The following CEBPZOS variants were observed in gnomAD, a reference collection of about 807,000 sequenced individuals.
The protein encoded by CEBPZOS is protein CEBPZOS.
A neutral mutation model predicts 4.8 loss-of-function variants in CEBPZOS; 10 were observed. The observed-to-expected ratio is 2.07, with a 90% CI of 1.28 to 3.52. CEBPZOS has a LOEUF of 3.52. Among genes scored for constraint, CEBPZOS ranks in the 30% most tolerant of loss-of-function variants. The probability of loss-of-function intolerance (pLI) is 0.00; values close to 1 mark genes in which losing one functional copy is unlikely to be tolerated. For synonymous variants in CEBPZOS, 25 were observed against 14.2 expected (o/e 1.77, Z -1.72); for missense variants, 98 against 43.6 (o/e 2.25, Z -3.51).
chr2:37,199,598 A>G (rs1663377348), intron 1 of CEBPZOS, 106 bp from the exon 2 acceptor site: 1 of 641,834 alleles, frequency 1.6e-6, no homozygotes, highest in African/African-American at 1.8e-5. Context: ...ACTCCCATAC[A>G]GAGAAGCCAT....
At chr2:37,200,140 T>C (rs1380593709) in intron 2 of CEBPZOS, among the ~76,000 whole-genome samples, 1 of 152,224 alleles carries the variant, frequency 6.6e-6, no homozygotes, top group Admixed American at 6.5e-5. Flanking sequence ...CTGCCCATTA[T>C]ACTTCATTGT....
intron 4 of CEBPZOS, chr2:37,211,769 T>G: frequency 2.6e-6 from 3 of 1,139,664 alleles, no homozygotes; most frequent in Non-Finnish European, 3.7e-6. Context: ...TTAAAAACCT[T>G]TAGCAGAAAA....
downstream of CEBPZOS, chr2:37,215,988 G>T: frequency 1.5e-5 from 7 of 463,712 alleles, no homozygotes; most frequent in East Asian, 3.8e-5. Flanking sequence ...AGATACAGTA[G>T]ATTTAAGAAT....
intron 3 of CEBPZOS, 62 bp downstream of exon 3, chr2:37,201,154 T>C (rs1677211336): frequency 1.5e-6 from 1 of 684,238 alleles, no homozygotes; most frequent in Non-Finnish European, 2.7e-6. Context: ...CTATAAATTA[T>C]GTAGTAATTT....
chr2:37,201,230 TC>T, intron 3 of CEBPZOS, 138 bp downstream of exon 3: 2 of 610,842 alleles, frequency 3.3e-6, no homozygotes, highest in Non-Finnish European at 5.9e-6. Context: ...TAAATTCTCA[TC>T]TATTCTAGTG....
chr2:37,201,498 T>TA lies in CEBPZOS; in HGVS notation c.161-143dup. ...TACAATGATCAGAGATGCCAGGACT[T>TA]ATATGTGAAGTCTGTAATCCTACTG... On this transcript the variant is annotated intron_variant, in intron 3 of 4. Transcript: ENST00000402297. The TA allele has an allele frequency of 8.5e-6, 5 of 591,418 alleles. No individual in the cohort carries two copies. In the South Asian group the frequency reaches 1.1e-4, roughly 13 times the overall value. 36.6% of individuals were successfully genotyped at this position (591,418 alleles called of 1,614,324 possible).
intron 4 of CEBPZOS, chr2:37,212,391 G>A (rs1396489155): frequency 6.2e-7 from 1 of 1,612,364 alleles, no homozygotes; most frequent in African/African-American, 1.3e-5. Flanking sequence ...CTTCAAATGT[G>A]TCTGCCAGAC....
chr2:37,212,311 A>G, intron 4 of CEBPZOS: 1 of 1,600,074 alleles, frequency 6.2e-7, no homozygotes, highest in Non-Finnish European at 8.6e-7. Context: ...GAAAAATAGG[A>G]AGGAGAAGAT....
At chr2:37,211,852 T>G (rs1221273556) in intron 4 of CEBPZOS, 1 of 1,598,978 alleles carries the variant, frequency 6.3e-7, no homozygotes, top group Non-Finnish European at 8.5e-7. Flanking sequence ...CCTGGAACGC[T>G]CTCACTTTCA....
At chr2:37,212,219 C>T in intron 4 of CEBPZOS, 1 of 1,071,656 alleles carries the variant, frequency 9.3e-7, no homozygotes, top group South Asian at 1.4e-5. Context: ...ATCCACTTCC[C>T]AAACTTACTT....
In CEBPZOS at chr2:37,203,602, C is replaced by T. The variant is rs1331964914; in HGVS notation, c.*1742C>T. ...GAGCTTTACTAAATACAGATCATAACATTCAGCTGTTTTAAGTGTATTAAC... is the reference window on the plus strand; with the variant it reads ...GAGCTTTACTAAATACAGATCATAATATTCAGCTGTTTTAAGTGTATTAAC... On this transcript the variant is annotated 3_prime_UTR_variant, in exon 5 of 5. Coordinates refer to ENST00000402297, the MANE Select transcript of CEBPZOS (RefSeq NM_001322374.2). 6.6e-6 allele frequency: 1 copy of T among 152,166 alleles called. No individual in the cohort carries two copies. The highest frequency in any genetic ancestry group is 6.5e-5 in the Admixed American group (1 of 15,286). The allele number at this position is 152,166 out of a possible 1,614,324, so 9.4% of individuals were successfully genotyped here.
rs145678667 is a variant in CEBPZOS at position 37,202,853 on chromosome 2, A to G, written c.*993A>G. 541 of 1,601,810 alleles carry G rather than the reference A, an allele frequency of 3.4e-4. 3 individuals are homozygous for G. In the African/African-American group the frequency reaches 6.8e-3, roughly 20 times the overall value. On this transcript the variant is annotated 3_prime_UTR_variant, in exon 5 of 5. Transcript: ENST00000402297. ...AACTTGGATCCCATATTTTCATCCA[A>G]TAGATGGCCAAACTTTTAAACAAAA...
chr2:37,212,102 G>A, intron 4 of CEBPZOS: 1 of 1,376,122 alleles, frequency 7.3e-7, no homozygotes, highest in Non-Finnish European at 9.9e-7. Context: ...GTGTTTTGCT[G>A]ACTACTAGGG....
In CEBPZOS at chr2:37,199,787, A is replaced by G; in HGVS notation, c.83A>G (p.Tyr28Cys). Residue 28 changes from tyrosine to cysteine, a missense_variant, in exon 2 of 5, where the codon TAT (tyrosine) becomes TGT (cysteine). Transcript: ENST00000402297. ...GAACTTGTAGGCGTTTTTGGAGCATATTTTTTGTTTAGCAAGATGCACACA... is the reference window on the plus strand; with the variant it reads ...GAACTTGTAGGCGTTTTTGGAGCATGTTTTTTGTTTAGCAAGATGCACACA... ...VAELVGVFGA[Y>C]FLFSKMHTSQ... The G allele has an allele frequency of 1.4e-6, 1 of 717,668 alleles. No homozygotes were observed. The highest frequency in any genetic ancestry group is 2.6e-6 in the Non-Finnish European group (1 of 385,100). The allele number at this position is 717,668 out of a possible 1,614,324, so 44.5% of individuals were successfully genotyped here.
chr2:37,205,437 C>G (rs1190112308), downstream of CEBPZOS, among the ~76,000 whole-genome samples: 1 of 152,168 alleles, frequency 6.6e-6, no homozygotes, highest in Non-Finnish European at 1.5e-5. Context: ...CTTGTGACCC[C>G]CACTCCTGCC....
At chr2:37,199,936 A>C (rs1677135686) in intron 2 of CEBPZOS, 117 bp downstream of exon 2, 2 of 623,956 alleles carry the variant, frequency 3.2e-6, no homozygotes, top group South Asian at 3.8e-5. Context: ...TCAAGATATT[A>C]GACATTTTTA....
intron 4 of CEBPZOS, chr2:37,210,072 G>A (rs868744984): frequency 2.0e-5 from 3 of 152,132 alleles, no homozygotes; most frequent in Admixed American, 2.0e-4. Context: ...AAGCCACAGT[G>A]CAATACCACC....
At chr2:37,213,758 A>G (rs906275852), downstream of CEBPZOS, 6 of 715,618 alleles carry the variant, frequency 8.4e-6, no homozygotes, top group Admixed American at 6.0e-5. Context: ...TGATATTCTT[A>G]GCTAAGTGAT....
At chr2:37,210,919 G>A in intron 4 of CEBPZOS, 2 of 850,542 alleles carry the variant, frequency 2.4e-6, no homozygotes, top group Non-Finnish European at 3.6e-6. Flanking sequence ...ATCAAATTTA[G>A]GAGAGTTCAT....
Sources: gnomAD v4.1 joint callset for allele counts (sites outside exome capture counted in the v4.1 genomes callset) on GRCh38, gnomAD v4.1.1 for gene constraint, MANE v1.5 for transcripts, NCBI Gene and HGNC (gene_info 2026-07-23, HGNC 2026-07-21) for gene names.